Variants in NCALD observed in about 807,000 individuals in gnomAD.
NCALD encodes neurocalcin-delta.
In NCALD, 10 loss-of-function variants were observed where a neutral mutation model predicts 18.6. That is an observed-to-expected ratio of 0.54 (90% CI 0.33 to 0.91). The LOEUF (loss-of-function observed/expected upper bound fraction) is 0.91, where lower values mean the gene tolerates loss of function less well. Ranked by LOEUF, NCALD falls within the 40% of genes least tolerant of loss-of-function variation. The pLI, the probability that NCALD is intolerant of heterozygous loss-of-function variation, is 0.03. For synonymous variants in NCALD, 88 were observed against 87.4 expected (o/e 1.01, Z -0.04); for missense variants, 184 against 247.6 (o/e 0.74, Z 1.72).
At chr8:102,079,073 G>T (rs1824441470) in intron 1 of NCALD, among the ~76,000 whole-genome samples, 1 of 152,152 alleles carries the variant, frequency 6.6e-6, no homozygotes. Flanking sequence ...CCTGCCACTG[G>T]AGACCACCGC....
intron 1 of NCALD, among the ~76,000 whole-genome samples, chr8:102,089,350 C>T (rs552651747): frequency 7.8e-4 from 117 of 150,918 alleles, no homozygotes; most frequent in Non-Finnish European, 1.3e-3. Context: ...GCTGAGATCA[C>T]GCCACTGCAC....
chr8:101,821,187 A>G (rs534244429), intron 4 of NCALD, among the ~76,000 whole-genome samples: 2 of 152,348 alleles, frequency 1.3e-5, no homozygotes, highest in South Asian at 4.1e-4. Flanking sequence ...ATTTATATAT[A>G]GATGGTCTCT....
intron 2 of NCALD, among the ~76,000 whole-genome samples, chr8:101,706,330 G>A (rs1432153828): frequency 6.7e-6 from 1 of 148,912 alleles, no homozygotes; most frequent in Non-Finnish European, 1.5e-5. Flanking sequence ...AAAAAAAAAA[G>A]GGAGTGGTGG....
At chr8:101,843,582 G>GTTTTTTTTTTTTTTTTTTTTTT (rs369393213) in intron 4 of NCALD, among the ~76,000 whole-genome samples, 5 of 125,140 alleles carry the variant, frequency 4.0e-5, no homozygotes, top group African/African-American at 6.5e-5. Context: ...TTTAAAAATT[G>GTTTTTTTTTTTTTTTTTTTTTT]TTTTTTTTTT....
chr8:101,790,543 A>G (rs1264419548), intron 1 of NCALD, among the ~76,000 whole-genome samples: 1 of 152,202 alleles, frequency 6.6e-6, no homozygotes, highest in Non-Finnish European at 1.5e-5. Context: ...CCAAAACAAT[A>G]CTGAAGGGAG....
intron 1 of NCALD, among the ~76,000 whole-genome samples, chr8:102,049,722 G>A (rs1823365114): frequency 6.6e-6 from 1 of 152,164 alleles, no homozygotes; most frequent in South Asian, 2.1e-4. Flanking sequence ...CCCGTGTACT[G>A]AATTGTAGAT....
At chr8:102,034,015 T>TACACACACACACACACACAC (rs34381236) in intron 1 of NCALD, among the ~76,000 whole-genome samples, 6 of 147,994 alleles carry the variant, frequency 4.1e-5, no homozygotes, top group African/African-American at 1.5e-4. Context: ...TCCCTCTAAA[T>TACACACACACACACACACAC]ACACACACAC....
chr8:101,702,170 T>C (rs1307318156), intron 2 of NCALD, among the ~76,000 whole-genome samples: 1 of 151,898 alleles, frequency 6.6e-6, no homozygotes, highest in African/African-American at 2.4e-5. Flanking sequence ...TTTTTGCTGC[T>C]GAAAATGGAG....
intron 1 of NCALD, among the ~76,000 whole-genome samples, chr8:102,120,899 T>A (rs1444724325): frequency 1.3e-5 from 2 of 152,266 alleles, no homozygotes; most frequent in East Asian, 3.9e-4. Flanking sequence ...TTAACTCATG[T>A]GCTCTATCCC....
At chr8:101,799,684 C>T (rs945256823) in intron 4 of NCALD, among the ~76,000 whole-genome samples, 13 of 152,174 alleles carry the variant, frequency 8.5e-5, no homozygotes, top group African/African-American at 2.9e-4. Context: ...AGTTCACACA[C>T]TGTATGAATC....
chr8:101,805,785 C>A (rs1394932175), intron 4 of NCALD, among the ~76,000 whole-genome samples: 1 of 152,174 alleles, frequency 6.6e-6, no homozygotes, highest in Non-Finnish European at 1.5e-5. Context: ...AGCTAACCTG[C>A]AGACCAGCTA....
intron 1 of NCALD, chr8:101,789,081 G>T (rs1812350750): frequency 6.6e-6 from 1 of 152,092 alleles, no homozygotes; most frequent in African/African-American, 2.4e-5. Context: ...AATTTAAAAT[G>T]TCATAGAGAC....
At chr8:101,880,983 G>C (rs1160508967) in intron 4 of NCALD, among the ~76,000 whole-genome samples, 1 of 152,114 alleles carries the variant, frequency 6.6e-6, no homozygotes, top group Non-Finnish European at 1.5e-5. Flanking sequence ...ATAATCAGAA[G>C]TCCTTAATAT....
At chr8:101,908,326 G>A (rs1251911913) in intron 3 of NCALD, among the ~76,000 whole-genome samples, 2 of 152,084 alleles carry the variant, frequency 1.3e-5, no homozygotes, top group Non-Finnish European at 2.9e-5. Context: ...TATGTGCTTG[G>A]GAGTTTGTGG....
intron 1 of NCALD, among the ~76,000 whole-genome samples, chr8:101,722,778 A>G (rs566033408): frequency 6.6e-6 from 1 of 152,354 alleles, no homozygotes; most frequent in South Asian, 2.1e-4. Flanking sequence ...GTAAACAGTA[A>G]TTAAACCACA....
chr8:101,717,399 G>A (rs1007467127), intron 2 of NCALD, among the ~76,000 whole-genome samples: 2 of 152,152 alleles, frequency 1.3e-5, no homozygotes, highest in African/African-American at 2.4e-5. Context: ...ACTGGTGTTT[G>A]TAGGTAAACA....
At chr8:102,103,832 T>A (rs1825363441) in intron 1 of NCALD, among the ~76,000 whole-genome samples, 1 of 152,210 alleles carries the variant, frequency 6.6e-6, no homozygotes, top group African/African-American at 2.4e-5. Flanking sequence ...TTTTGGCATA[T>A]GAGGGGACTT....
intron 1 of NCALD, among the ~76,000 whole-genome samples, chr8:101,754,936 C>T (rs1810813509): frequency 6.6e-6 from 1 of 152,192 alleles, no homozygotes; most frequent in African/African-American, 2.4e-5. Context: ...AGATTAAGTA[C>T]CTTACACAAG....
intron 1 of NCALD, among the ~76,000 whole-genome samples, chr8:101,789,508 T>G (rs1375567569): frequency 2.0e-5 from 3 of 152,208 alleles, no homozygotes; most frequent in Admixed American, 6.5e-5. Flanking sequence ...AGCTAAATAC[T>G]GTTCAAAATT....
Sources: gnomAD v4.1 joint callset for allele counts (sites outside exome capture counted in the v4.1 genomes callset) on GRCh38, gnomAD v4.1.1 for gene constraint, MANE v1.5 for transcripts, NCBI Gene and HGNC (gene_info 2026-07-23, HGNC 2026-07-21) for gene names.